The following LTBP2 variants were observed in gnomAD, a reference collection of about 807,000 sequenced individuals.
LTBP2 encodes the protein latent transforming growth factor beta binding protein 2.
In LTBP2, 103 loss-of-function variants were observed where a neutral mutation model predicts 210.6. That is an observed-to-expected ratio of 0.49 (90% confidence interval 0.42 to 0.58). The LOEUF is 0.58. Ranked by LOEUF, LTBP2 falls within the 20% of genes least tolerant of loss-of-function variation. The probability of loss-of-function intolerance (pLI) is 0.00; values close to 1 mark genes in which losing one functional copy is unlikely to be tolerated. For missense variants in LTBP2, 2,313 were observed against 2,494.5 expected (o/e 0.93, Z 1.55); for synonymous variants, 1,007 against 1,015.0 (o/e 0.99, Z 0.15).
At chr14:74,600,005 C>A (rs1332052379) in intron 2 of LTBP2, among the ~76,000 whole-genome samples, 1 of 152,240 alleles carries the variant, frequency 6.6e-6, no homozygotes, top group Admixed American at 6.5e-5. Flanking sequence ...CCAACATTGG[C>A]AGTCTCTGCC....
At chr14:74,596,694 A>G (rs1396740913) in intron 2 of LTBP2, among the ~76,000 whole-genome samples, 1 of 152,226 alleles carries the variant, frequency 6.6e-6, no homozygotes, top group Admixed American at 6.5e-5. Context: ...CTGAGGAAGT[A>G]AAACAAACAG....
intron 27 of LTBP2, 114 bp from the exon 28 acceptor site, chr14:74,506,305 A>G: frequency 1.4e-6 from 2 of 1,395,582 alleles, no homozygotes; most frequent in Non-Finnish European, 2.0e-6. Flanking sequence ...GGAAGAAACA[A>G]GAGTAAGTAT....
Position 74,503,527 on chromosome 14 carries a change from G to A in LTBP2, c.4662C>T (p.Ser1554=). 3 of 1,613,580 alleles carry A rather than the reference G, an allele frequency of 1.9e-6. No homozygotes were observed. The highest frequency in any genetic ancestry group is 2.2e-5 in the East Asian group (1 of 44,864). The change falls in exon 32 of 36, where the codon AGC becomes AGT. Residue 1554 remains serine, a synonymous_variant. Coordinates refer to ENST00000261978, the MANE Select transcript of LTBP2 (RefSeq NM_000428.3). ...NTEGSFHCFC[S]PPLTLDLSQQ... is the part of the protein sequence containing the mutation. Reference sequence around the variant, plus strand: ...GGCTGAGGTCCAGGGTGAGCGGGGGGCTGCAGAAGCAGTGGAAGGAGCCCT... The same window carrying A: ...GGCTGAGGTCCAGGGTGAGCGGGGGACTGCAGAAGCAGTGGAAGGAGCCCT...
chr14:74,594,625 A>G (rs58569871), intron 2 of LTBP2, among the ~76,000 whole-genome samples: 23,659 of 152,130 alleles, frequency 0.16, 2,866 homozygotes, highest in African/African-American at 0.33. Context: ...CTGGGCATCC[A>G]ACTTGGGACC....
At position 74,504,072 on chromosome 14, in the gene LTBP2, G is replaced by A. The variant is rs1300423002; in HGVS notation, c.4454-18C>T. The A allele has an allele frequency of 2.5e-6, 4 of 1,613,292 alleles. No homozygotes were observed. The East Asian group carries it at 8.9e-5, about 36-fold the overall frequency. On this transcript the variant is annotated intron_variant, in intron 30 of 35. Coordinates refer to ENST00000261978, the MANE Select transcript of LTBP2 (RefSeq NM_000428.3). ...ATCCGCATCTGTGGAAGGCAGAGCT[G>A]AGGTGAGAGGAAGGTGAGAGGCAGT...
intron 3 of LTBP2, among the ~76,000 whole-genome samples, chr14:74,560,839 C>T (rs2139758660): frequency 6.6e-6 from 1 of 152,260 alleles, no homozygotes; most frequent in Non-Finnish European, 1.5e-5. Context: ...TATAAGTAAT[C>T]TAGAGAAGAT....
At chr14:74,551,744 G>A (rs1175580657) in intron 6 of LTBP2, among the ~76,000 whole-genome samples, 10 of 152,242 alleles carry the variant, frequency 6.6e-5, no homozygotes, top group Middle Eastern at 3.4e-3. Context: ...TCCCCTCCAC[G>A]CAGCTGTCCC....
intron 2 of LTBP2, among the ~76,000 whole-genome samples, chr14:74,593,316 G>A (rs915327884): frequency 1.3e-5 from 2 of 152,168 alleles, no homozygotes; most frequent in African/African-American, 4.8e-5. Context: ...CTGCTCATTG[G>A]CTACTGGGTA....
chr14:74,511,426 G>T lies in LTBP2; in HGVS notation c.2909-62C>A, dbSNP rs1026477515. On this transcript the variant is annotated intron_variant, in intron 18 of 35. Transcript: ENST00000261978. ...GAACATAGCAAATGGGTAGGTCTGT[G>T]ACACAGCAAATCCTTGTCCCTGCCT... 7.5e-6 allele frequency: 12 copies of T among 1,606,376 alleles called. No homozygotes were observed. The Admixed American group carries it at 2.0e-4, about 27-fold the overall frequency.
intron 30 of LTBP2, 141 bp from the exon 31 acceptor site, chr14:74,504,195 C>T (rs183489938): frequency 1.2e-4 from 117 of 979,412 alleles, no homozygotes; most frequent in Middle Eastern, 2.5e-4. Flanking sequence ...CTTAAGTTCG[C>T]CTTGCCTCCG....
intron 8 of LTBP2, among the ~76,000 whole-genome samples, chr14:74,538,024 G>A (rs781074541): frequency 2.0e-5 from 3 of 152,184 alleles, no homozygotes; most frequent in Non-Finnish European, 4.4e-5. Flanking sequence ...CAAAGTGCTG[G>A]AATTATAGGC....
chr14:74,608,975 G>C (rs540128192), intron 1 of LTBP2, among the ~76,000 whole-genome samples: 162 of 152,242 alleles, frequency 1.1e-3, no homozygotes, highest in African/African-American at 3.6e-3. Context: ...TCCAGTATAG[G>C]GCCTGGGTAT....
chr14:74,524,382 AAATCCAG>A (rs1251581183), intron 15 of LTBP2, among the ~76,000 whole-genome samples: 3 of 152,002 alleles, frequency 2.0e-5, no homozygotes, highest in Non-Finnish European at 2.9e-5. Context: ...TTGCTGAAGG[AAATCCAG>A]AACCCCCTGA....
At chr14:74,522,488 A>C (rs1056437156) in intron 16 of LTBP2, among the ~76,000 whole-genome samples, 2 of 151,920 alleles carry the variant, frequency 1.3e-5, no homozygotes, top group Non-Finnish European at 2.9e-5. Context: ...CAAAATGGCC[A>C]GTTTGAGGGG....
intron 8 of LTBP2, among the ~76,000 whole-genome samples, chr14:74,540,942 A>ATT (rs199917849): frequency 1.8e-4 from 5 of 27,172 alleles, no homozygotes; most frequent in African/African-American, 2.8e-4. Flanking sequence ...ATATATATAT[A>ATT]TATTTTTTAT....
chr14:74,507,051 A>T, intron 26 of LTBP2, 128 bp downstream of exon 26: 2 of 1,568,320 alleles, frequency 1.3e-6, no homozygotes, highest in Non-Finnish European at 1.7e-6. Flanking sequence ...GCTCTGCTGG[A>T]TGGAAAATAT....
intron 2 of LTBP2, among the ~76,000 whole-genome samples, 171 bp downstream of exon 2, chr14:74,603,464 G>T (rs1438859196): frequency 6.6e-6 from 1 of 152,170 alleles, no homozygotes. Context: ...CCCTTCCATT[G>T]GATGTTGCCT....
rs1037434842 is a variant in LTBP2, at chr14:74,586,268, A to C, written c.566-150T>G. 41 of 828,142 alleles carry C rather than the reference A, an allele frequency of 5.0e-5. No individual in the cohort carries two copies. Among genetic ancestry groups the C allele is most frequent in the Non-Finnish European group, 7.6e-5 (41 of 536,004 alleles). The allele number at this position is 828,142 out of a possible 1,614,324, so 51.3% of individuals were successfully genotyped here. A position where few individuals can be genotyped will look rare whatever the true frequency, so the allele number is the denominator to read the frequency against. ...TCTCCTGGCCTCAGGGGGCTCCCTGACCCATGTCTCTCCCACCTCCATCCA... is the reference window on the plus strand; with the variant it reads ...TCTCCTGGCCTCAGGGGGCTCCCTGCCCCATGTCTCTCCCACCTCCATCCA... On this transcript the variant is annotated intron_variant, in intron 2 of 35. Coordinates refer to ENST00000261978, the MANE Select transcript of LTBP2 (RefSeq NM_000428.3). The surrounding 1 kb of genome is among the most constrained non-coding windows in gnomAD (Gnocchi z 4.6).
rs781088293 is a variant in LTBP2 at position 74,551,193 on chromosome 14, A to C, written c.1557T>G (p.Pro519=). ...TRPPPWLPAS[P]GHSLWDSNNI... ...TGTTGCTGTCCCAGAGGCTGTGGCC[A>C]GGGCTGGCAGGCAGCCAGGGCGGGG... The change falls in exon 7 of 36, where the codon CCT becomes CCG. Residue 519 remains proline (P), a synonymous_variant. Coordinates refer to ENST00000261978, the MANE Select transcript of LTBP2 (RefSeq NM_000428.3). 3 of 1,613,574 alleles carry C rather than the reference A, an allele frequency of 1.9e-6. No individual in the cohort carries two copies. Among genetic ancestry groups the C allele is most frequent in the Non-Finnish European group, 2.5e-6 (3 of 1,179,990 alleles).
Sources: gnomAD v4.1 joint callset for allele counts (sites outside exome capture counted in the v4.1 genomes callset) on GRCh38, gnomAD v4.1.1 for gene constraint, Gnocchi (gnomAD v3.1) non-coding constraint, MANE v1.5 for transcripts, NCBI Gene and HGNC (gene_info 2026-07-23, HGNC 2026-07-21) for gene names.